CDH4: variants seen among roughly 807,000 people sequenced by gnomAD.
CDH4 encodes the protein cadherin-4.
In CDH4, 33 loss-of-function variants were observed where a neutral mutation model predicts 86.0. That is an observed-to-expected ratio of 0.38 (90% confidence interval 0.29 to 0.51). The LOEUF (loss-of-function observed/expected upper bound fraction) is 0.51. CDH4 is among the 20% of genes least tolerant of loss of function. The pLI is 0.86. For missense variants in CDH4, 1,114 were observed against 1,307.4 expected (o/e 0.85, Z 2.28); for synonymous variants, 555 against 549.4 (o/e 1.01, Z -0.14).
In CDH4 at chr20:61,684,809, G is replaced by A. The variant is rs756850927; in HGVS notation, c.170-58754G>A. 6.6e-6 allele frequency among the ~76,000 whole-genome samples: 1 copy of A among 152,122 alleles called. No homozygotes were observed. The highest frequency in any genetic ancestry group is 1.5e-5 in the Non-Finnish European group (1 of 68,032). On this transcript the variant is annotated intron_variant, in intron 2 of 15. Coordinates refer to ENST00000614565, the MANE Select transcript of CDH4 (RefSeq NM_001794.5). The surrounding 1 kb of genome is among the most constrained non-coding windows in gnomAD (Gnocchi z 4.5). Reference sequence around the variant, plus strand: ...GCCTGCCGTGACCACCCCTCGATGTGGGTGAGGTTTCTAAACTGCTCCTGA... The same window carrying A: ...GCCTGCCGTGACCACCCCTCGATGTAGGTGAGGTTTCTAAACTGCTCCTGA...
In CDH4 at chr20:61,698,145, G is replaced by A. The variant is rs536545442; in HGVS notation, c.170-45418G>A. On this transcript the variant is annotated intron_variant, in intron 2 of 15. Coordinates refer to ENST00000614565, the MANE Select transcript of CDH4 (RefSeq NM_001794.5). ...GACCTGGCACGTGTCGTCCACCCTC[G>A]GAGGGGTCCCCTTGCACGGGCTCCA... 1.2e-4 allele frequency among the ~76,000 whole-genome samples: 18 copies of A among 152,304 alleles called. 1 individual carries two copies. The South Asian group carries it at 3.1e-3, about 26-fold the overall frequency.
chr20:61,931,317 C>T (rs1056496467), intron 13 of CDH4, among the ~76,000 whole-genome samples: 4 of 152,242 alleles, frequency 2.6e-5, no homozygotes, highest in Non-Finnish European at 5.9e-5. Context: ...CCTGCACTTC[C>T]CTCTCCACGA....
intron 7 of CDH4, among the ~76,000 whole-genome samples, chr20:61,883,142 T>TC (rs1600734822): frequency 7.2e-6 from 1 of 138,480 alleles, no homozygotes; most frequent in Non-Finnish European, 1.6e-5. Context: ...CGCTGGCTGC[T>TC]CCCCCCGCCT....
rs549432818 is a variant in CDH4 at position 61,723,292 on chromosome 20, C to A, written c.170-20271C>A. On this transcript the variant is annotated intron_variant, in intron 2 of 15. Coordinates refer to ENST00000614565, the MANE Select transcript of CDH4 (RefSeq NM_001794.5). ...AGGGCAGCCTCACTGGGTGAGGAGC[C>A]CCTGCACCTCCTCCGGACCCCCGTC... 2.7e-4 allele frequency among the ~76,000 whole-genome samples: 41 copies of A among 152,310 alleles called. 2 individuals are homozygous for A. The South Asian group carries it at 8.5e-3, about 32-fold the overall frequency.
At position 61,252,784 on chromosome 20, in the gene CDH4, G is replaced by A. The variant is rs2084070421; in HGVS notation, c.57+214G>A. ...TGGGCAGCGGGGAGCGGCGGAGCAG[G>A]GTGGGAGTGGGGCTCGGTGGAGGAC... is the stretch of plus-strand genomic sequence containing the variant. On this transcript the variant is annotated intron_variant, in intron 1 of 15. Coordinates refer to ENST00000614565, the MANE Select transcript of CDH4 (RefSeq NM_001794.5). The surrounding 1 kb of genome is among the most constrained non-coding windows in gnomAD (Gnocchi z 4.4). Among the ~76,000 whole-genome samples, 1 of 151,700 alleles carries A rather than the reference G, an allele frequency of 6.6e-6. No individual in the cohort carries two copies. Among genetic ancestry groups the A allele is most frequent in the Admixed American group, 6.6e-5 (1 of 15,244 alleles).
intron 2 of CDH4, among the ~76,000 whole-genome samples, chr20:61,706,126 G>C (rs1357236413): frequency 6.6e-6 from 1 of 152,224 alleles, no homozygotes; most frequent in Non-Finnish European, 1.5e-5. Context: ...CTGAGGAACA[G>C]CCGGCCCGAC....
intron 2 of CDH4, among the ~76,000 whole-genome samples, chr20:61,542,130 T>C (rs1197598449): frequency 6.6e-6 from 1 of 152,228 alleles, no homozygotes; most frequent in Non-Finnish European, 1.5e-5. Flanking sequence ...ACATTCCACC[T>C]GCTCTAAAAA....
intron 2 of CDH4, among the ~76,000 whole-genome samples, chr20:61,701,080 C>T (rs369494211): frequency 1.3e-4 from 20 of 152,244 alleles, no homozygotes; most frequent in Middle Eastern, 3.4e-3. Flanking sequence ...TCAGAGAGCT[C>T]GGAGGGAAGA....
intron 4 of CDH4, among the ~76,000 whole-genome samples, chr20:61,831,725 G>T (rs1458674729): frequency 6.6e-6 from 1 of 152,208 alleles, no homozygotes; most frequent in Non-Finnish European, 1.5e-5. Flanking sequence ...TGGGCGGGGT[G>T]GGGGGACAGG....
At chr20:61,298,846 T>G (rs1319817212) in intron 2 of CDH4, among the ~76,000 whole-genome samples, 1 of 151,372 alleles carries the variant, frequency 6.6e-6, no homozygotes, top group Non-Finnish European at 1.5e-5. Context: ...CAAAAGCAAG[T>G]GCACTAGTGT....
chr20:61,619,139 T>C (rs2086749166), intron 2 of CDH4, among the ~76,000 whole-genome samples: 1 of 152,182 alleles, frequency 6.6e-6, no homozygotes, highest in Non-Finnish European at 1.5e-5. Flanking sequence ...GTCTCAGACA[T>C]TGCCACCCTG....
At chr20:61,871,997 G>A (rs376020673) in intron 6 of CDH4, among the ~76,000 whole-genome samples, 48 of 152,266 alleles carry the variant, frequency 3.2e-4, no homozygotes, top group African/African-American at 7.0e-4. Context: ...CCAGAGTGGC[G>A]GTCTTCTCTG....
intron 2 of CDH4, among the ~76,000 whole-genome samples, chr20:61,699,467 G>A (rs758507593): frequency 2.0e-5 from 3 of 152,206 alleles, no homozygotes; most frequent in Non-Finnish European, 2.9e-5. Flanking sequence ...ACTGTTCACC[G>A]TGGGTAAGCA....
intron 2 of CDH4, among the ~76,000 whole-genome samples, chr20:61,351,533 T>G (rs1252589845): frequency 1.3e-5 from 2 of 152,114 alleles, no homozygotes; most frequent in Non-Finnish European, 2.9e-5. Context: ...TTACTTTTGT[T>G]GTAATTTTTA....
chr20:61,571,364 G>A (rs1186616050), intron 2 of CDH4, among the ~76,000 whole-genome samples: 1 of 152,188 alleles, frequency 6.6e-6, no homozygotes. Context: ...AAGGTAGACA[G>A]TGCTGGCCTT....
intron 8 of CDH4, among the ~76,000 whole-genome samples, chr20:61,904,377 C>A (rs770853697): frequency 4.6e-5 from 7 of 152,122 alleles, no homozygotes; most frequent in Non-Finnish European, 1.0e-4. Context: ...GCCCTGTGCT[C>A]TCCCTGGGGA....
intron 2 of CDH4, among the ~76,000 whole-genome samples, chr20:61,656,718 C>T (rs185426647): frequency 1.7e-3 from 255 of 152,324 alleles, no homozygotes; most frequent in African/African-American, 5.2e-3. Context: ...GAAAATCTCT[C>T]CTCCCAGGAT....
chr20:61,840,208 G>T (rs1291595570), intron 4 of CDH4, among the ~76,000 whole-genome samples: 1 of 152,332 alleles, frequency 6.6e-6, no homozygotes, highest in Middle Eastern at 3.4e-3. Flanking sequence ...CCGTGCACGT[G>T]CACTGGGACA....
chr20:61,778,109 G>T (rs1412452943), intron 4 of CDH4, among the ~76,000 whole-genome samples: 3 of 152,110 alleles, frequency 2.0e-5, no homozygotes, highest in Admixed American at 1.3e-4. Context: ...ATCTTCCATT[G>T]AATTCTTATC....
Sources: gnomAD v4.1 joint callset for allele counts (sites outside exome capture counted in the v4.1 genomes callset) on GRCh38, gnomAD v4.1.1 for gene constraint, Gnocchi (gnomAD v3.1) non-coding constraint, MANE v1.5 for transcripts, NCBI Gene and HGNC (gene_info 2026-07-23, HGNC 2026-07-21) for gene names.